Variants in RASSF3 observed in about 807,000 individuals in gnomAD.
RASSF3 encodes ras association domain-containing protein 3.
Under a neutral mutation model 19.9 loss-of-function variants are expected in RASSF3, and 19 were observed. The ratio of observed to expected loss-of-function variants is 0.96; its 90% CI spans 0.67 to 1.40. RASSF3 has a LOEUF of 1.40. RASSF3 is among the 40% of genes most tolerant of loss of function. RASSF3 has a pLI of 0.00. For missense variants in RASSF3, 306 were observed against 289.8 expected (o/e 1.06, Z -0.41); for synonymous variants, 110 against 104.2 (o/e 1.06, Z -0.34).
At chr12:64,542,268 C>T (rs1868946609), downstream of RASSF3, among the ~76,000 whole-genome samples, 1 of 152,146 alleles carries the variant, frequency 6.6e-6, no homozygotes, top group African/African-American at 2.4e-5. Context: ...GTGGAGGTTG[C>T]ATTAAGCTGA....
At chr12:64,531,975 C>G (rs748986707), upstream of RASSF3, among the ~76,000 whole-genome samples, 2 of 152,180 alleles carry the variant, frequency 1.3e-5, no homozygotes, top group African/African-American at 4.8e-5. Context: ...CCTCAGGACA[C>G]CAGAAAAGTA....
At chr12:64,670,031 T>G (rs1460172285) in intron 1 of RASSF3, among the ~76,000 whole-genome samples, 1 of 133,956 alleles carries the variant, frequency 7.5e-6, no homozygotes, top group African/African-American at 3.8e-5. Context: ...CAGTATCAGT[T>G]TTTTTTTTTT....
At chr12:64,679,749 T>C (rs900613541) in intron 1 of RASSF3, among the ~76,000 whole-genome samples, 4 of 152,160 alleles carry the variant, frequency 2.6e-5, no homozygotes, top group Non-Finnish European at 5.9e-5. Flanking sequence ...TTATGAAATA[T>C]TTTTTTGTGG....
rs11175461 is a variant in RASSF3 at position 64,582,121 on chromosome 12, G to C, written c.294+40416G>C. Among the ~76,000 whole-genome samples, 1,513 of 152,236 alleles carry C rather than the reference G, an allele frequency of 9.9e-3. 26 individuals carry two copies. Among genetic ancestry groups the C allele is most frequent in the African/African-American group, 0.035 (1,444 of 41,550 alleles). ...TCTCACCTCGGCCTCCCAAAGTGCT[G>C]GGATTACAGGAGAGATCCACTGTGC... On this transcript the variant is annotated intron_variant, in intron 2 of 5. Coordinates refer to the RASSF3 transcript ENST00000637125.
At chr12:64,643,173 G>T (rs1871607196) in intron 1 of RASSF3, among the ~76,000 whole-genome samples, 1 of 151,800 alleles carries the variant, frequency 6.6e-6, no homozygotes, top group Non-Finnish European at 1.5e-5. Flanking sequence ...GCCCGGGCAA[G>T]TTTCTTAATG....
In RASSF3 at chr12:64,691,453, C is replaced by T. The variant is rs80197243; in HGVS notation, c.458-17C>T. 1,087 of 1,549,624 alleles carry T rather than the reference C, an allele frequency of 7.0e-4. 9 individuals are homozygous for T. The African/African-American group carries it at 0.013, about 18-fold the overall frequency. ...TGGCTGAATACTCTGTAACATGCTG[C>T]TTGTTTCTTTACCCAGTCTACGCCT... On this transcript the variant is annotated splice_polypyrimidine_tract_variant and intron_variant, in intron 3 of 4. Transcript: ENST00000542104.
chr12:64,602,512 C>T (rs751705270), intron 2 of RASSF3, among the ~76,000 whole-genome samples: 21 of 150,276 alleles, frequency 1.4e-4, no homozygotes, highest in Non-Finnish European at 2.5e-4. Flanking sequence ...ACCCGGGAGG[C>T]GGAGGTTGCA....
At chr12:64,603,095 T>C (rs1870124355) in intron 2 of RASSF3, among the ~76,000 whole-genome samples, 1 of 151,270 alleles carries the variant, frequency 6.6e-6, no homozygotes, top group Non-Finnish European at 1.5e-5. Flanking sequence ...CAAAACTCTG[T>C]CTCAAAAAAA....
chr12:64,586,408 T>G (rs955395577), intron 2 of RASSF3, among the ~76,000 whole-genome samples: 1 of 139,632 alleles, frequency 7.2e-6, no homozygotes, highest in Non-Finnish European at 1.5e-5. Flanking sequence ...GAGAATCACT[T>G]AAACCTGGGA....
chr12:64,681,737 G>C lies in RASSF3; in HGVS notation c.112-3050G>C, dbSNP rs531899518. Among the ~76,000 whole-genome samples the C allele has an allele frequency of 2.8e-4, 42 of 152,334 alleles. No homozygotes were observed. The South Asian group carries it at 8.5e-3, about 31-fold the overall frequency. On this transcript the variant is annotated intron_variant, in intron 1 of 4. Transcript: ENST00000542104. ...ATGTTTAAAACTTCATTGGGGCTCA[G>C]TGCAGTGGCTCATACCTGTAATCTC...
At chr12:64,604,723 C>T (rs1037895304) in intron 2 of RASSF3, among the ~76,000 whole-genome samples, 24 of 151,832 alleles carry the variant, frequency 1.6e-4, no homozygotes, top group East Asian at 7.8e-4. Context: ...CTGCAAGCTC[C>T]GCCTCCCGGG....
At chr12:64,563,808 A>G (rs1869386004) in intron 2 of RASSF3, among the ~76,000 whole-genome samples, 1 of 152,138 alleles carries the variant, frequency 6.6e-6, no homozygotes, top group Non-Finnish European at 1.5e-5. Context: ...GACCACCCAA[A>G]CTAAAGCAGC....
intron 1 of RASSF3, among the ~76,000 whole-genome samples, chr12:64,666,034 G>T (rs961993067): frequency 1.3e-5 from 2 of 152,256 alleles, no homozygotes; most frequent in African/African-American, 4.8e-5. Flanking sequence ...CTGAGGCTTA[G>T]TGAGACTGAG....
intron 2 of RASSF3, among the ~76,000 whole-genome samples, chr12:64,602,395 A>G (rs938434790): frequency 6.6e-6 from 1 of 151,722 alleles, no homozygotes; most frequent in African/African-American, 2.4e-5. Flanking sequence ...CCTGGCCAAC[A>G]TGGTGAAACC....
At chr12:64,588,335 C>T (rs1345084191) in intron 2 of RASSF3, among the ~76,000 whole-genome samples, 1 of 152,120 alleles carries the variant, frequency 6.6e-6, no homozygotes, top group African/African-American at 2.4e-5. Flanking sequence ...TATACAAAAA[C>T]ACTATTAATA....
intron 1 of RASSF3, among the ~76,000 whole-genome samples, chr12:64,666,980 T>C (rs957027669): frequency 1.4e-4 from 21 of 151,968 alleles, no homozygotes; most frequent in African/African-American, 4.6e-4. Context: ...GCAAAAGTAA[T>C]TGAGATCCAC....
intron 2 of RASSF3, among the ~76,000 whole-genome samples, chr12:64,604,449 A>G (rs748650654): frequency 6.6e-6 from 1 of 151,302 alleles, no homozygotes; most frequent in Non-Finnish European, 1.5e-5. Flanking sequence ...CACCCCACAT[A>G]CTTAACAACC....
chr12:64,648,568 C>T (rs188540837), intron 1 of RASSF3, among the ~76,000 whole-genome samples: 302 of 151,804 alleles, frequency 2.0e-3, no homozygotes, highest in Middle Eastern at 0.014. Flanking sequence ...CTGCAACCTC[C>T]ACCTCCTGGA....
chr12:64,574,339 A>C (rs1329847726), intron 2 of RASSF3, among the ~76,000 whole-genome samples: 1 of 152,024 alleles, frequency 6.6e-6, no homozygotes, highest in African/African-American at 2.4e-5. Flanking sequence ...ATATTTGATA[A>C]AATTTAATAT....
Sources: gnomAD v4.1 joint callset for allele counts (sites outside exome capture counted in the v4.1 genomes callset) on GRCh38, gnomAD v4.1.1 for gene constraint, MANE v1.5 for transcripts, NCBI Gene and HGNC (gene_info 2026-07-23, HGNC 2026-07-21) for gene names.